TENM3: variants seen among roughly 807,000 people sequenced by gnomAD.
TENM3 encodes teneurin transmembrane protein 3, also known as teneurin-3.
In TENM3, 63 loss-of-function variants were observed where a neutral mutation model predicts 255.1. The observed-to-expected ratio is 0.25, with a 90% CI of 0.20 to 0.30. TENM3 has a LOEUF of 0.30. Ranked by LOEUF, TENM3 falls within the 10% of genes least tolerant of loss-of-function variation. The pLI is 1.00. For missense variants in TENM3, 2,929 were observed against 3,461.1 expected (o/e 0.85, Z 3.86); for synonymous variants, 1,306 against 1,322.3 (o/e 0.99, Z 0.27).
chr4:181,914,823 C>T, the TENM3 span, among the ~76,000 whole-genome samples: 23 of 152,112 alleles, frequency 1.5e-4, no homozygotes, highest in Non-Finnish European at 2.9e-4. Context: ...TCAACTGAAC[C>T]AGGAGACCGT....
intron 22 of TENM3, among the ~76,000 whole-genome samples, chr4:182,767,275 G>T (rs12503428): frequency 0.087 from 13,189 of 152,180 alleles, 733 homozygotes; most frequent in South Asian, 0.12. Context: ...TTCCGCATCA[G>T]CCCGCCGTTC....
chr4:182,670,139 C>G (rs1383519795), intron 6 of TENM3, among the ~76,000 whole-genome samples: 2 of 152,108 alleles, frequency 1.3e-5, no homozygotes, highest in East Asian at 3.8e-4. Flanking sequence ...TTTTTTCTCT[C>G]TTTATTTAAC....
chr4:182,380,968 G>A (rs1303945552), intron 3 of TENM3, among the ~76,000 whole-genome samples: 1 of 152,174 alleles, frequency 6.6e-6, no homozygotes, highest in Non-Finnish European at 1.5e-5. Context: ...ATGCAAGGGT[G>A]GTCTGGCTTA....
At chr4:181,700,718 C>A in the TENM3 span, among the ~76,000 whole-genome samples, 1 of 152,100 alleles carries the variant, frequency 6.6e-6, no homozygotes, top group Non-Finnish European at 1.5e-5. Flanking sequence ...GTAAAGTCCC[C>A]TTTATAGTAG....
At chr4:181,464,309 A>G in the TENM3 span, among the ~76,000 whole-genome samples, 1 of 152,244 alleles carries the variant, frequency 6.6e-6, no homozygotes, top group South Asian at 2.1e-4. Flanking sequence ...CCTCACTAAC[A>G]ATTGTCATTG....
chr4:181,628,058 G>A, the TENM3 span, among the ~76,000 whole-genome samples: 1 of 152,236 alleles, frequency 6.6e-6, no homozygotes, highest in South Asian at 2.1e-4. Context: ...ATCTCATTGT[G>A]GTTTTGATTT....
the TENM3 span, among the ~76,000 whole-genome samples, chr4:181,637,952 G>T: frequency 1.3e-5 from 2 of 152,106 alleles, no homozygotes; most frequent in Admixed American, 6.6e-5. Context: ...GGTATATCCT[G>T]CCCAGCTGTA....
chr4:182,440,784 G>C (rs969526384), intron 3 of TENM3, among the ~76,000 whole-genome samples: 2 of 151,798 alleles, frequency 1.3e-5, no homozygotes, highest in African/African-American at 4.8e-5. Context: ...GCGGAAGACC[G>C]TGCGGAAGGC....
chr4:181,760,822 T>C, the TENM3 span, among the ~76,000 whole-genome samples: 1 of 152,158 alleles, frequency 6.6e-6, no homozygotes, highest in South Asian at 2.1e-4. Context: ...TTCCTCTCCT[T>C]CCTCTCCTCT....
the TENM3 span, among the ~76,000 whole-genome samples, chr4:181,924,271 A>G: frequency 1.3e-5 from 2 of 152,314 alleles, no homozygotes; most frequent in African/African-American, 4.8e-5. Flanking sequence ...AAGAAGGGAC[A>G]AAGGAAACAA....
the TENM3 span, among the ~76,000 whole-genome samples, chr4:181,537,122 TA>T: frequency 6.0e-5 from 9 of 151,060 alleles, no homozygotes; most frequent in Admixed American, 6.6e-5. Context: ...CACCCTCCTT[TA>T]AAAAAAAAGA....
intron 1 of TENM3, among the ~76,000 whole-genome samples, chr4:182,170,745 A>G (rs557097821): frequency 3.9e-5 from 6 of 152,374 alleles, no homozygotes; most frequent in African/African-American, 1.4e-4. Context: ...TAAGATTTAT[A>G]GCAGAAATTG....
chr4:182,785,630 C>T (rs1765582427), intron 24 of TENM3, among the ~76,000 whole-genome samples: 1 of 149,934 alleles, frequency 6.7e-6, no homozygotes, highest in South Asian at 2.1e-4. Context: ...ATCACTTGAG[C>T]CCAGACAGTC....
At chr4:182,158,597 G>A (rs183257676) in intron 1 of TENM3, among the ~76,000 whole-genome samples, 2 of 152,234 alleles carry the variant, frequency 1.3e-5, no homozygotes, top group African/African-American at 4.8e-5. Flanking sequence ...CTAGGCTGCC[G>A]GCAGGTCTTC....
intron 4 of TENM3, 135 bp from the exon 5 acceptor site, chr4:182,628,516 T>C: frequency 1.6e-6 from 1 of 621,298 alleles, no homozygotes; most frequent in South Asian, 2.1e-5. Flanking sequence ...TTTAATGTTT[T>C]AGGTTATATA....
Position 182,773,462 on chromosome 4 carries a change from T to C in TENM3, c.4893-10T>C, listed in dbSNP as rs777868008. The C allele has an allele frequency of 1.2e-6, 2 of 1,603,164 alleles. No homozygotes were observed. The highest frequency in any genetic ancestry group is 2.3e-5 in the South Asian group (2 of 88,792). On this transcript the variant is annotated splice_polypyrimidine_tract_variant and intron_variant, in intron 22 of 27. Transcript: ENST00000511685. Reference sequence around the variant, plus strand: ...CTATTTAACACCAAGTTAATGCCTCTTGTATTTAGCTATGACAGTGAAGGT... The same window carrying C: ...CTATTTAACACCAAGTTAATGCCTCCTGTATTTAGCTATGACAGTGAAGGT...
intron 3 of TENM3, among the ~76,000 whole-genome samples, chr4:182,427,293 A>G (rs964997160): frequency 2.6e-5 from 4 of 152,196 alleles, no homozygotes; most frequent in Admixed American, 1.3e-4. Context: ...TGATTTTTAA[A>G]ATACAATTCT....
the TENM3 span, among the ~76,000 whole-genome samples, chr4:181,498,257 T>A: frequency 6.6e-6 from 1 of 152,124 alleles, no homozygotes; most frequent in Non-Finnish European, 1.5e-5. Flanking sequence ...AAAAATACAT[T>A]TTAGTTGACT....
intron 1 of TENM3, among the ~76,000 whole-genome samples, chr4:182,257,855 A>G (rs754042518): frequency 1.2e-4 from 18 of 152,184 alleles, no homozygotes; most frequent in Non-Finnish European, 1.3e-4. Context: ...TCCCCATACA[A>G]TGCTACATCT....
Sources: gnomAD v4.1 joint callset for allele counts (sites outside exome capture counted in the v4.1 genomes callset) on GRCh38, gnomAD v4.1.1 for gene constraint, MANE v1.5 for transcripts, NCBI Gene and HGNC (gene_info 2026-07-23, HGNC 2026-07-21) for gene names.